The following ROBO1 variants were observed in gnomAD, a reference collection of about 807,000 sequenced individuals.
ROBO1 encodes the protein roundabout homolog 1.
Under a neutral mutation model 195.9 loss-of-function variants are expected in ROBO1, and 149 were observed. That is an observed-to-expected ratio of 0.76 (90% CI 0.67 to 0.87). The LOEUF (loss-of-function observed/expected upper bound fraction) is 0.87, where lower values mean the gene tolerates loss of function less well. ROBO1 is among the 40% of genes least tolerant of loss of function. ROBO1 has a pLI of 0.00. For synonymous variants in ROBO1, 816 were observed against 733.2 expected (o/e 1.11, Z -1.82); for missense variants, 1,933 against 2,068.3 (o/e 0.93, Z 1.27).
In ROBO1 at chr3:78,634,057, T is replaced by C. The variant is rs751854747; in HGVS notation, c.3374-15A>G. 4 of 1,520,250 alleles carry C rather than the reference T, an allele frequency of 2.6e-6. No homozygotes were observed. Among genetic ancestry groups the C allele is most frequent in the Non-Finnish European group, 2.7e-6 (3 of 1,103,732 alleles). The allele number at this position is 1,520,250 out of a possible 1,614,324, so 94.2% of individuals were successfully genotyped here. ...TGCTCGATAATCTAGACATATCAGA[T>C]GAAAAAACAATAAACATTTATTTTC... On this transcript the variant is annotated splice_polypyrimidine_tract_variant and intron_variant, in intron 23 of 30. Coordinates refer to ENST00000464233, the MANE Select transcript of ROBO1 (RefSeq NM_002941.4).
chr3:78,647,585 C>A (rs1483017597), intron 20 of ROBO1, 44 bp downstream of exon 20: 4 of 1,575,964 alleles, frequency 2.5e-6, no homozygotes, highest in East Asian at 2.2e-5. Flanking sequence ...GGAACACATG[C>A]CAAACTAACA....
chr3:79,128,818 T>G (rs2080267714), intron 2 of ROBO1, among the ~76,000 whole-genome samples: 1 of 152,174 alleles, frequency 6.6e-6, no homozygotes. Context: ...TTAAATTTGT[T>G]TTAAAAAATC....
chr3:79,249,844 T>C (rs1385070267), intron 2 of ROBO1, among the ~76,000 whole-genome samples: 2 of 152,000 alleles, frequency 1.3e-5, no homozygotes, highest in East Asian at 3.9e-4. Flanking sequence ...AGACTTTGGA[T>C]AGAAAAAAGT....
chr3:78,867,486 T>G (rs2035254229), intron 4 of ROBO1, among the ~76,000 whole-genome samples: 1 of 152,196 alleles, frequency 6.6e-6, no homozygotes, highest in Non-Finnish European at 1.5e-5. Flanking sequence ...AAGACACATC[T>G]GGAAATATTC....
At chr3:79,629,419 A>G (rs573720761) in intron 1 of ROBO1, among the ~76,000 whole-genome samples, 2 of 152,240 alleles carry the variant, frequency 1.3e-5, no homozygotes, top group Admixed American at 1.3e-4. Context: ...AAATAAAAAA[A>G]TTAAGGCAAA....
chr3:79,141,834 G>A (rs578228221), intron 2 of ROBO1, among the ~76,000 whole-genome samples: 8 of 151,894 alleles, frequency 5.3e-5, no homozygotes, highest in Non-Finnish European at 1.0e-4. Flanking sequence ...CCCATTTCTC[G>A]CTAATTCAGT....
intron 10 of ROBO1, among the ~76,000 whole-genome samples, chr3:78,682,773 A>T (rs1053448993): frequency 6.7e-6 from 1 of 148,680 alleles, no homozygotes; most frequent in Non-Finnish European, 1.5e-5. Flanking sequence ...TAAAATTATA[A>T]TAATATAATT....
chr3:78,770,340 C>A (rs534354045), intron 4 of ROBO1, among the ~76,000 whole-genome samples: 2 of 152,230 alleles, frequency 1.3e-5, no homozygotes, highest in Admixed American at 1.3e-4. Flanking sequence ...GAGATGGTAT[C>A]TCATTGTGGT....
chr3:79,607,602 G>GTTTTTTTTTTTTTTTTT (rs58634211), intron 1 of ROBO1, among the ~76,000 whole-genome samples: 1 of 147,632 alleles, frequency 6.8e-6, no homozygotes. Flanking sequence ...GTATTTCCAA[G>GTTTTTTTTTTTTTTTTT]TTTTTTTTTT....
intron 28 of ROBO1, among the ~76,000 whole-genome samples, chr3:78,611,458 T>G (rs1409794877): frequency 6.6e-6 from 1 of 152,238 alleles, no homozygotes; most frequent in East Asian, 1.9e-4. Context: ...TCATATATCC[T>G]AATCCTACCC....
At chr3:79,374,136 A>C (rs1052274314) in intron 2 of ROBO1, among the ~76,000 whole-genome samples, 2 of 152,172 alleles carry the variant, frequency 1.3e-5, no homozygotes, top group Non-Finnish European at 2.9e-5. Flanking sequence ...TCAGTCATGG[A>C]ACCTCTTAAG....
chr3:79,718,331 T>C (rs1437099772), intron 1 of ROBO1, among the ~76,000 whole-genome samples: 10 of 152,062 alleles, frequency 6.6e-5, no homozygotes, highest in Admixed American at 5.9e-4. Flanking sequence ...AACTTAAGCA[T>C]TGAGAAATAA....
intron 4 of ROBO1, among the ~76,000 whole-genome samples, chr3:78,910,002 A>G (rs1008233054): frequency 1.3e-5 from 2 of 151,886 alleles, no homozygotes; most frequent in African/African-American, 4.8e-5. Context: ...AAATTTAATT[A>G]ATGTAAAGTC....
chr3:78,748,526 T>G (rs1399319020), intron 4 of ROBO1, among the ~76,000 whole-genome samples: 1 of 152,106 alleles, frequency 6.6e-6, no homozygotes, highest in African/African-American at 2.4e-5. Flanking sequence ...TACTATAATT[T>G]TGTACTGGAA....
intron 4 of ROBO1, among the ~76,000 whole-genome samples, chr3:78,934,968 T>C (rs900838144): frequency 7.2e-5 from 11 of 152,070 alleles, no homozygotes; most frequent in Admixed American, 6.6e-4. Context: ...CTACTCAGCA[T>C]ACATGGTCAG....
intron 4 of ROBO1, among the ~76,000 whole-genome samples, chr3:78,826,801 A>G (rs1304278483): frequency 6.6e-6 from 1 of 152,154 alleles, no homozygotes; most frequent in Admixed American, 6.6e-5. Context: ...ACATTTATAC[A>G]TTAGGTATTG....
chr3:79,547,037 T>C (rs914305906), intron 2 of ROBO1, among the ~76,000 whole-genome samples: 2 of 151,184 alleles, frequency 1.3e-5, no homozygotes, highest in African/African-American at 4.9e-5. Flanking sequence ...AAAACAAAAT[T>C]AGCCGGGCGT....
intron 2 of ROBO1, among the ~76,000 whole-genome samples, chr3:79,430,890 A>G (rs990178886): frequency 2.0e-5 from 3 of 152,070 alleles, no homozygotes; most frequent in African/African-American, 7.2e-5. Context: ...ATTGTGTATG[A>G]TTTAGTGCAT....
intron 1 of ROBO1, among the ~76,000 whole-genome samples, chr3:79,671,678 CATA>C (rs1451175797): frequency 6.6e-6 from 1 of 151,628 alleles, no homozygotes; most frequent in Non-Finnish European, 1.5e-5. Flanking sequence ...TTAAGTTGGC[CATA>C]ATGTCAAAAC....
Sources: allele counts gnomAD v4.1 joint callset (sites outside exome capture counted in the v4.1 genomes callset), GRCh38; gene constraint gnomAD v4.1.1; transcripts MANE v1.5; gene names NCBI Gene and HGNC (gene_info 2026-07-23, HGNC 2026-07-21).